Variants in KATNAL2 observed in about 807,000 individuals in gnomAD.
The protein encoded by KATNAL2 is katanin p60 ATPase-containing subunit A-like 2.
In KATNAL2, 52 loss-of-function variants were observed where a neutral mutation model predicts 76.3. That is an observed-to-expected ratio of 0.68 (90% CI 0.55 to 0.86). The LOEUF (loss-of-function observed/expected upper bound fraction) is 0.86. KATNAL2 is among the 40% of genes least tolerant of loss of function. The pLI, the probability that KATNAL2 is intolerant of heterozygous loss-of-function variation, is 0.00. For synonymous variants in KATNAL2, 243 were observed against 244.2 expected, an observed-to-expected ratio of 1.00 and a Z score of 0.05; for missense variants, 660 against 668.9, an observed-to-expected ratio of 0.99 and a Z score of 0.15.
At chr18:46,941,718 A>G (rs1363961998) in intron 1 of KATNAL2, among the ~76,000 whole-genome samples, 1 of 152,240 alleles carries the variant, frequency 6.6e-6, no homozygotes, top group Admixed American at 6.5e-5. Context: ...AATTTTGCAC[A>G]CATTAGAATG....
At chr18:46,961,181 G>A (rs2059931954) in intron 3 of KATNAL2, among the ~76,000 whole-genome samples, 1 of 152,034 alleles carries the variant, frequency 6.6e-6, no homozygotes. Context: ...CAAGGACCAG[G>A]TGGTGGCTCC....
At chr18:46,945,634 C>T (rs62095393) in intron 1 of KATNAL2, among the ~76,000 whole-genome samples, 23,601 of 152,214 alleles carry the variant, frequency 0.16, 2,125 homozygotes, top group Non-Finnish European at 0.21. Flanking sequence ...TCTAGAACTA[C>T]TTATTAATAA....
At chr18:47,080,640 T>C (rs1313982430) in intron 15 of KATNAL2, among the ~76,000 whole-genome samples, 1 of 152,220 alleles carries the variant, frequency 6.6e-6, no homozygotes, top group Non-Finnish European at 1.5e-5. Flanking sequence ...CCATTTCACA[T>C]GAAGCAAATT....
In KATNAL2 at chr18:47,031,255, T is replaced by C. The variant is rs200596154; in HGVS notation, c.52-15202T>C. 2.9e-3 allele frequency among the ~76,000 whole-genome samples: 436 copies of C among 151,684 alleles called. 1 individual carries two copies. Among genetic ancestry groups the C allele is most frequent in the East Asian group, 0.012 (60 of 5,162 alleles). ...GGCTTGCTCTGGTCTGCAGCTGATA[T>C]TGGTGCCACGGTTTGGGCAGCGGAG... is the stretch of plus-strand genomic sequence containing the variant. On this transcript the variant is annotated intron_variant, in intron 3 of 17. Transcript: ENST00000683218.
chr18:47,034,128 G>A lies in KATNAL2; in HGVS notation c.52-12329G>A, dbSNP rs369488894. 12 of 1,614,066 alleles carry A rather than the reference G, an allele frequency of 7.4e-6. No individual in the cohort carries two copies. The African/African-American group carries it at 1.5e-4, about 20-fold the overall frequency. On this transcript the variant is annotated intron_variant, in intron 3 of 17. Transcript: ENST00000683218. ...TGAGGTATTTTTCACATGACAGAGT[G>A]GGCTGCTCGAATTCCTCAGCCATAT...
intron 1 of KATNAL2, among the ~76,000 whole-genome samples, chr18:46,918,494 G>T (rs951648253): frequency 6.6e-6 from 1 of 152,052 alleles, no homozygotes; most frequent in African/African-American, 2.4e-5. Flanking sequence ...TGCTCTTGTT[G>T]CCCAGGCTGG....
At chr18:47,063,642 T>C (rs779456263) in intron 10 of KATNAL2, among the ~76,000 whole-genome samples, 3 of 152,186 alleles carry the variant, frequency 2.0e-5, no homozygotes, top group Non-Finnish European at 4.4e-5. Flanking sequence ...AAAGGTTTTA[T>C]AGCAGAGCCA....
intron 15 of KATNAL2, among the ~76,000 whole-genome samples, chr18:47,082,010 A>C (rs1468233944): frequency 6.6e-6 from 1 of 152,200 alleles, no homozygotes; most frequent in Non-Finnish European, 1.5e-5. Flanking sequence ...CTAATAGTGA[A>C]AATCTCAGTT....
chr18:46,921,452 G>A (rs539418579), intron 1 of KATNAL2, among the ~76,000 whole-genome samples: 5 of 152,244 alleles, frequency 3.3e-5, no homozygotes, highest in African/African-American at 9.6e-5. Context: ...TTTAATACAC[G>A]AAGTCAAAAA....
chr18:46,958,288 G>T (rs910829069), intron 3 of KATNAL2, among the ~76,000 whole-genome samples: 1 of 152,012 alleles, frequency 6.6e-6, no homozygotes, highest in African/African-American at 2.4e-5. Context: ...TCTCCAGCTT[G>T]TTGACTGCAG....
chr18:46,930,209 A>G (rs1416847058), intron 1 of KATNAL2, among the ~76,000 whole-genome samples: 2 of 152,232 alleles, frequency 1.3e-5, no homozygotes, highest in Non-Finnish European at 2.9e-5. Context: ...ATTTGATAAT[A>G]TTGAATATCA....
intron 10 of KATNAL2, among the ~76,000 whole-genome samples, 146 bp from the exon 11 acceptor site, chr18:47,066,848 TATATATATATATATATATATATATATA>T (rs1222996779): frequency 0.067 from 995 of 14,896 alleles, 70 homozygotes; most frequent in East Asian, 0.34. Context: ...TATATGTGTT[TATATATATATATATATATATATATATA>T]TATATATATA....
intron 3 of KATNAL2, among the ~76,000 whole-genome samples, chr18:47,031,497 G>T (rs1409912570): frequency 2.0e-5 from 3 of 152,088 alleles, no homozygotes; most frequent in African/African-American, 7.2e-5. Flanking sequence ...CTGAGAATCG[G>T]GGAATGGGGA....
At position 47,077,413 on chromosome 18, in the gene KATNAL2, C is replaced by T. The variant is rs1483608407; in HGVS notation, c.1163C>T (p.Ala388Val). ...TELLVQMDGL[A>V]RSEDLVFVLA... ...TTACTGGTGCAGATGGATGGGCTGG[C>T]ACGCTCAGAAGATCTCGTATTTGTC... is the stretch of plus-strand genomic sequence containing the variant. Residue 388 changes from alanine to valine, a missense_variant, in exon 15 of 18, where the codon GCA becomes GTA. Physicochemically the swap from Ala to Val is moderately conservative, Grantham distance 64. Transcript: ENST00000683218. The T allele has an allele frequency of 1.9e-6, 3 of 1,614,004 alleles. No individual in the cohort carries two copies. Among genetic ancestry groups the T allele is most frequent in the South Asian group, 2.2e-5 (2 of 91,080 alleles).
chr18:47,046,716 T>C (rs974304623), intron 4 of KATNAL2, among the ~76,000 whole-genome samples, 189 bp downstream of exon 4: 1 of 152,216 alleles, frequency 6.6e-6, no homozygotes, highest in Non-Finnish European at 1.5e-5. Context: ...CAGTGACATC[T>C]GTATTGATGT....
At chr18:46,941,094 C>A (rs537019019) in intron 1 of KATNAL2, among the ~76,000 whole-genome samples, 3 of 152,122 alleles carry the variant, frequency 2.0e-5, no homozygotes, top group African/African-American at 7.2e-5. Context: ...GATGCCAAAG[C>A]GGGTGGATTA....
intron 3 of KATNAL2, among the ~76,000 whole-genome samples, chr18:46,951,669 A>G (rs1385776420): frequency 6.6e-6 from 1 of 152,122 alleles, no homozygotes; most frequent in Non-Finnish European, 1.5e-5. Context: ...TTTGGAAACA[A>G]AGTATCTATG....
chr18:47,034,877 G>C, intron 3 of KATNAL2: 1 of 1,612,114 alleles, frequency 6.2e-7, no homozygotes, highest in Non-Finnish European at 8.5e-7. Context: ...CGTGCTGTCC[G>C]TCTGTGCTCA....
intron 11 of KATNAL2, 27 bp from the exon 12 acceptor site, chr18:47,069,193 C>G (rs1278572615): frequency 1.3e-6 from 2 of 1,567,560 alleles, no homozygotes; most frequent in East Asian, 4.5e-5. Context: ...TGGTACCAAA[C>G]CTCATCCTTG....
Sources: allele counts gnomAD v4.1 joint callset (sites outside exome capture counted in the v4.1 genomes callset), GRCh38; gene constraint gnomAD v4.1.1; transcripts MANE v1.5; gene names NCBI Gene and HGNC (gene_info 2026-07-23, HGNC 2026-07-21).